Variants in IGLL1 observed in about 807,000 individuals in gnomAD.
IGLL1 encodes immunoglobulin lambda-like polypeptide 1.
Under a neutral mutation model 10.5 loss-of-function variants are expected in IGLL1, and 10 were observed. The observed-to-expected ratio is 0.95, with a 90% CI of 0.59 to 1.62. IGLL1 has a LOEUF of 1.62. Among genes scored for constraint, IGLL1 ranks in the 40% most tolerant of loss-of-function variants. The pLI, the probability that IGLL1 is intolerant of heterozygous loss-of-function variation, is 0.00. For synonymous variants in IGLL1, 141 were observed against 122.7 expected, an observed-to-expected ratio of 1.15 and a Z score of -0.99; for missense variants, 284 against 278.7, an observed-to-expected ratio of 1.02 and a Z score of -0.14.
intron 1 of IGLL1, among the ~76,000 whole-genome samples, chr22:23,576,362 A>C (rs1449694722): frequency 0.011 from 1,098 of 97,416 alleles, 8 homozygotes; most frequent in African/African-American, 0.018. Flanking sequence ...GACTGTCCCA[A>C]AAAAAAAAAA....
chr22:23,575,267 G>A (rs1925004338), intron 1 of IGLL1, among the ~76,000 whole-genome samples, 185 bp from the exon 2 acceptor site: 1 of 152,090 alleles, frequency 6.6e-6, no homozygotes, highest in South Asian at 2.1e-4. Context: ...GGCAACGCTG[G>A]GCCCAGTAGG....
chr22:23,575,102 C>G lies in IGLL1; in HGVS notation c.207-20G>C, dbSNP rs772891933. ...AGGAACCTGCTGGGAGTGAGGGGCACAGGGCTGCAGTGTGTAGGCTGTGAC... is the reference window on the plus strand; with the variant it reads ...AGGAACCTGCTGGGAGTGAGGGGCAGAGGGCTGCAGTGTGTAGGCTGTGAC... On this transcript the variant is annotated intron_variant, in intron 1 of 2. Transcript: ENST00000330377. 1 of 1,557,424 alleles carries G rather than the reference C, an allele frequency of 6.4e-7. No individual in the cohort carries two copies. Among genetic ancestry groups the G allele is most frequent in the South Asian group, 1.1e-5 (1 of 89,938 alleles).
intron 1 of IGLL1, among the ~76,000 whole-genome samples, chr22:23,576,497 C>G (rs1219026935): frequency 1.3e-5 from 2 of 152,022 alleles, no homozygotes; most frequent in African/African-American, 4.8e-5. Flanking sequence ...ATGGTGCCAC[C>G]TTGGCTCACC....
chr22:23,575,004 C>T lies in IGLL1; in HGVS notation c.285G>A (p.Thr95=), dbSNP rs753649042. Reference sequence around the variant, plus strand: ...GCTGGGTCCCGCTGCCAAACACATGCGTCACTGAGTTATGCTTGGATTGAA... The same window carrying T: ...GCTGGGTCCCGCTGCCAAACACATGTGTCACTGAGTTATGCTTGGATTGAA... The part of the protein sequence containing the change: ...RGFQSKHNSV[T]HVFGSGTQLT... The change falls in exon 2 of 3, where the codon ACG becomes ACA. Residue 95 remains threonine (T), a synonymous_variant. Transcript: ENST00000330377. The T allele has an allele frequency of 1.5e-5, 24 of 1,613,956 alleles. No individual in the cohort carries two copies. Among genetic ancestry groups the T allele is most frequent in the South Asian group, 2.2e-5 (2 of 91,074 alleles).
chr22:23,579,520 C>T (rs1278398495), intron 1 of IGLL1, among the ~76,000 whole-genome samples: 3 of 151,758 alleles, frequency 2.0e-5, no homozygotes, highest in Non-Finnish European at 4.4e-5. Flanking sequence ...TTAGCTGGAG[C>T]TCCAGGGAGT....
chr22:23,579,670 G>A (rs1214448124), intron 1 of IGLL1, among the ~76,000 whole-genome samples: 2 of 152,028 alleles, frequency 1.3e-5, no homozygotes, highest in African/African-American at 4.8e-5. Context: ...TCCTGTGGAC[G>A]TCCTGCCCCT....
intron 1 of IGLL1, 117 bp from the exon 2 acceptor site, chr22:23,575,199 C>T: frequency 1.3e-6 from 1 of 799,072 alleles, no homozygotes; most frequent in South Asian, 1.4e-5. Flanking sequence ...CCTGTCCCTT[C>T]TCTGAGGCAG....
rs905531692 is a variant in IGLL1, at chr22:23,579,990, C to T, written c.201G>A (p.Trp67Ter). 4 of 1,579,350 alleles carry T rather than the reference C, an allele frequency of 2.5e-6. No individual in the cohort carries two copies. The highest frequency in any genetic ancestry group is 1.3e-5 in the African/African-American group (1 of 74,458). ...TGGAATCTCTCACCCCTTACCTGCC[C>T]CACCGGCTCCTCAGGCTGGACCGGC... ...GSSRSSLRSR[W>*]GRFLLQRGSW... The change falls in exon 1 of 3, where the codon TGG (tryptophan) becomes TGA (stop). Residue 67 changes from tryptophan to a stop codon, truncating the protein, a stop_gained. Transcript: ENST00000330377. LOFTEE classifies it high-confidence loss of function.
intron 2 of IGLL1, among the ~76,000 whole-genome samples, chr22:23,573,979 G>A (rs1924924295): frequency 6.6e-6 from 1 of 151,498 alleles, no homozygotes; most frequent in Non-Finnish European, 1.5e-5. Flanking sequence ...GGCATGGCCT[G>A]GAGCTTCCCA....
At chr22:23,577,276 T>C (rs1238783856) in intron 1 of IGLL1, among the ~76,000 whole-genome samples, 1 of 151,836 alleles carries the variant, frequency 6.6e-6, no homozygotes, top group African/African-American at 2.4e-5. Context: ...TGGTAGCGCA[T>C]GCTTGTAGTC....
rs1178039495 is a variant in IGLL1, at chr22:23,575,230, C to T, written c.207-148G>A. 5 of 737,192 alleles carry T rather than the reference C, an allele frequency of 6.8e-6. No homozygotes were observed. In the East Asian group the frequency reaches 7.5e-5, roughly 11 times the overall value. 45.7% of individuals were successfully genotyped at this position (737,192 alleles called of 1,614,324 possible). Reference sequence around the variant, plus strand: ...GGCAGGTGCTGCCCCAGCGTGTGTCCCCCTCTCTGAAACTGTTGGTGCTGA... The same window carrying T: ...GGCAGGTGCTGCCCCAGCGTGTGTCTCCCTCTCTGAAACTGTTGGTGCTGA... On this transcript the variant is annotated intron_variant, in intron 1 of 2. Transcript: ENST00000330377.
chr22:23,578,557 A>T (rs1016780860), intron 1 of IGLL1, among the ~76,000 whole-genome samples: 40 of 152,274 alleles, frequency 2.6e-4, no homozygotes, highest in Admixed American at 1.8e-3. Flanking sequence ...GGTGTGGGTC[A>T]GGTCGGCTGC....
chr22:23,573,248 G>C lies in IGLL1; in HGVS notation c.*18C>G. On this transcript the variant is annotated 3_prime_UTR_variant, in exon 3 of 3. Transcript: ENST00000330377. ...CCTGCAGCTCCAGGCCCCTTTGGGT[G>C]GGGTCGGGGCTGGGAACCTATGAAC... The C allele has an allele frequency of 1.2e-6, 2 of 1,611,614 alleles. No homozygotes were observed. Among genetic ancestry groups the C allele is most frequent in the Non-Finnish European group, 1.7e-6 (2 of 1,177,900 alleles).
chr22:23,574,965 A>G lies in IGLL1; in HGVS notation c.322+2T>C. The G allele has an allele frequency of 6.2e-7, 1 of 1,601,110 alleles. No individual in the cohort carries two copies. Among genetic ancestry groups the G allele is most frequent in the Non-Finnish European group, 8.6e-7 (1 of 1,168,316 alleles). On this transcript the variant is annotated splice_donor_variant, in intron 2 of 2. Transcript: ENST00000330377. LOFTEE classifies it high-confidence loss of function. ...ACAGCCTGGGAAGTTAGAGCCACTT[A>G]CTTAAAACGGTGAGCTGGGTCCCGC...
rs1210611310 is a variant in IGLL1, at chr22:23,573,185, A to C, written c.*81T>G. 3.0e-6 allele frequency: 4 copies of C among 1,339,866 alleles called. No individual in the cohort carries two copies. The African/African-American group carries it at 5.7e-5, about 19-fold the overall frequency. The allele number at this position is 1,339,866 out of a possible 1,614,324, so 83.0% of individuals were successfully genotyped here. On this transcript the variant is annotated 3_prime_UTR_variant, in exon 3 of 3. Transcript: ENST00000330377. Reference sequence around the variant, plus strand: ...TACTGGGTACAGGGAGAAGGGCTGGATGGCTTGGGATGCAGAGAGAGACCC... The same window carrying C: ...TACTGGGTACAGGGAGAAGGGCTGGCTGGCTTGGGATGCAGAGAGAGACCC...
At chr22:23,575,486 T>C (rs1378177644) in intron 1 of IGLL1, among the ~76,000 whole-genome samples, 1 of 152,148 alleles carries the variant, frequency 6.6e-6, no homozygotes, top group East Asian at 1.9e-4. Context: ...GTCCTCTGCT[T>C]TTATATCTAC....
chr22:23,576,259 G>A (rs1387398166), intron 1 of IGLL1, among the ~76,000 whole-genome samples: 2 of 146,362 alleles, frequency 1.4e-5, no homozygotes, highest in Admixed American at 7.1e-5. Flanking sequence ...TGGCTTCTGC[G>A]AACTTAGCTA....
At chr22:23,574,776 G>A (rs547839432) in intron 2 of IGLL1, among the ~76,000 whole-genome samples, 191 bp downstream of exon 2, 3 of 152,122 alleles carry the variant, frequency 2.0e-5, no homozygotes, top group South Asian at 2.1e-4. Flanking sequence ...ACCTGAAGGC[G>A]GCTGCTCCCA....
intron 1 of IGLL1, among the ~76,000 whole-genome samples, chr22:23,579,590 G>C (rs577227751): frequency 2.1e-5 from 3 of 144,908 alleles, no homozygotes; most frequent in East Asian, 2.0e-4. Flanking sequence ...GAAAAGAGGA[G>C]GGGGGGGAGG....
Sources: gnomAD v4.1 joint callset for allele counts (sites outside exome capture counted in the v4.1 genomes callset) on GRCh38, gnomAD v4.1.1 for gene constraint, MANE v1.5 for transcripts, NCBI Gene and HGNC (gene_info 2026-07-23, HGNC 2026-07-21) for gene names.